The following C8orf74 variants were observed in gnomAD, a reference collection of about 807,000 sequenced individuals.
The protein encoded by C8orf74 is chromosome 8 open reading frame 74.
C8orf74 carries 29 observed loss-of-function variants against 22.2 expected under a neutral mutation model. The ratio of observed to expected loss-of-function variants is 1.31; its 90% confidence interval spans 0.97 to 1.78. The LOEUF (loss-of-function observed/expected upper bound fraction) is 1.78. Ranked by LOEUF, C8orf74 falls within the 40% of genes most tolerant of loss-of-function variation. The probability of loss-of-function intolerance (pLI) is 0.00; values close to 1 mark genes in which losing one functional copy is unlikely to be tolerated. For missense variants in C8orf74, 515 were observed against 369.9 expected (o/e 1.39, Z -3.22); for synonymous variants, 255 against 163.1 (o/e 1.56, Z -4.30).
At chr8:10,674,378 A>G (rs1184260860) in intron 1 of C8orf74, among the ~76,000 whole-genome samples, 1 of 61,704 alleles carries the variant, frequency 1.6e-5, no homozygotes, top group African/African-American at 5.9e-5. Flanking sequence ...TGCAACCCCC[A>G]TATCACACCC....
intron 2 of C8orf74, among the ~76,000 whole-genome samples, chr8:10,680,722 C>G (rs538686521): frequency 1.3e-5 from 2 of 152,364 alleles, no homozygotes; most frequent in East Asian, 3.9e-4. Context: ...GCCTTGCTGC[C>G]TACCAGACCG....
At chr8:10,691,664 C>T (rs1205109232) in intron 2 of C8orf74, 1 of 152,436 alleles carries the variant, frequency 6.6e-6, no homozygotes, top group African/African-American at 2.4e-5. Context: ...CTCTGCTGTC[C>T]TCCATGCGGC....
intron 2 of C8orf74, among the ~76,000 whole-genome samples, chr8:10,695,927 A>G (rs1586051933): frequency 6.6e-6 from 1 of 152,094 alleles, no homozygotes; most frequent in East Asian, 1.9e-4. Flanking sequence ...CGCCTGGCCC[A>G]AGCCCTCATT....
chr8:10,693,234 G>T (rs952161294), intron 2 of C8orf74, among the ~76,000 whole-genome samples: 2 of 152,194 alleles, frequency 1.3e-5, no homozygotes, highest in Non-Finnish European at 2.9e-5. Context: ...CTTTGCACAA[G>T]CTGCTCCCCC....
chr8:10,700,027 A>T (rs539263662), intron 3 of C8orf74, among the ~76,000 whole-genome samples: 186 of 152,224 alleles, frequency 1.2e-3, no homozygotes, highest in Non-Finnish European at 1.6e-3. Flanking sequence ...CAGTCAGGAG[A>T]AGATGAGGAC....
chr8:10,695,342 G>A (rs1206580986), intron 2 of C8orf74, among the ~76,000 whole-genome samples: 2 of 152,126 alleles, frequency 1.3e-5, no homozygotes, highest in Non-Finnish European at 2.9e-5. Flanking sequence ...CTCCCGAGAG[G>A]AGTGTAACCC....
chr8:10,676,009 G>C (rs775015483), intron 2 of C8orf74, among the ~76,000 whole-genome samples: 1 of 152,118 alleles, frequency 6.6e-6, no homozygotes, highest in Admixed American at 6.6e-5. Flanking sequence ...GGTCTGGATC[G>C]GATGGGTCGT....
chr8:10,698,536 C>A (rs76449827), intron 3 of C8orf74, among the ~76,000 whole-genome samples: 2 of 152,050 alleles, frequency 1.3e-5, no homozygotes, highest in African/African-American at 2.4e-5. Context: ...GGATCTCAGA[C>A]TTTGGGCTGC....
At chr8:10,686,281 A>G (rs2129057461) in intron 2 of C8orf74, among the ~76,000 whole-genome samples, 1 of 152,332 alleles carries the variant, frequency 6.6e-6, no homozygotes, top group South Asian at 2.1e-4. Flanking sequence ...GCTACTGAAT[A>G]GCAGTAGGCA....
intron 2 of C8orf74, among the ~76,000 whole-genome samples, chr8:10,684,165 G>A (rs530102465): frequency 4.1e-4 from 63 of 152,334 alleles, no homozygotes; most frequent in Middle Eastern, 6.8e-3. Flanking sequence ...TTGGGTGGAT[G>A]GGTACTGCTG....
intron 2 of C8orf74, chr8:10,688,710 G>C (rs191918457): frequency 6.6e-6 from 1 of 152,330 alleles, no homozygotes; most frequent in African/African-American, 2.4e-5. Context: ...TCCTGATGAG[G>C]TCAGGAGGGA....
chr8:10,686,227 G>T (rs930222631), intron 2 of C8orf74, among the ~76,000 whole-genome samples: 1 of 152,110 alleles, frequency 6.6e-6, no homozygotes, highest in African/African-American at 2.4e-5. Context: ...TGGCTGTGTT[G>T]TACTCTCCTT....
Position 10,700,543 on chromosome 8 carries a change from G to A in C8orf74, c.*72G>A, listed in dbSNP as rs998700137. 6 of 906,800 alleles carry A rather than the reference G, an allele frequency of 6.6e-6. No individual in the cohort carries two copies. The highest frequency in any genetic ancestry group is 2.9e-5 in the Admixed American group (1 of 34,288). 56.2% of individuals were successfully genotyped at this position (906,800 alleles called of 1,614,324 possible). On this transcript the variant is annotated 3_prime_UTR_variant, in exon 4 of 4. Transcript: ENST00000304519. Reference sequence around the variant, plus strand: ...AACCATGAGCCTTGCGGCACGGTGAGCTCAGCACCCACAGAGAGACTTCTT... The same window carrying A: ...AACCATGAGCCTTGCGGCACGGTGAACTCAGCACCCACAGAGAGACTTCTT...
intron 2 of C8orf74, among the ~76,000 whole-genome samples, chr8:10,696,179 G>A (rs143016782): frequency 0.018 from 2,684 of 152,054 alleles, 78 homozygotes; most frequent in African/African-American, 0.057. Context: ...TGATGGGAGA[G>A]CCCTGCCTCT....
intron 2 of C8orf74, among the ~76,000 whole-genome samples, chr8:10,681,875 C>T (rs1799158649): frequency 6.6e-6 from 1 of 152,114 alleles, no homozygotes; most frequent in Admixed American, 6.5e-5. Context: ...CTGGCATCTG[C>T]AGTTCCACCC....
intron 3 of C8orf74, among the ~76,000 whole-genome samples, chr8:10,699,425 A>G (rs942032624): frequency 4.6e-5 from 7 of 152,228 alleles, no homozygotes; most frequent in Non-Finnish European, 5.9e-5. Context: ...CAAATGCACA[A>G]TTTTGCATAT....
Position 10,697,619 on chromosome 8 carries a change from G to C in C8orf74, c.262G>C (p.Val88Leu), listed in dbSNP as rs760075519. The C allele has an allele frequency of 6.2e-7, 1 of 1,613,818 alleles. No homozygotes were observed. Among genetic ancestry groups the C allele is most frequent in the African/African-American group, 1.3e-5 (1 of 74,938 alleles). Residue 88 changes from valine to leucine, a missense_variant, in exon 3 of 4, where the codon GTG (valine) becomes CTG (leucine). By Grantham distance (32) the Val-to-Leu change is conservative. Coordinates refer to ENST00000304519, the MANE Select transcript of C8orf74 (RefSeq NM_001040032.2). ...TACAGGCTGCTCCATTACTGAGGCT[G>C]TGACGATCCTGGGGAACAAGCTTAG... ...ETKGCSITEA[V>L]TILGNKLRDY...
intron 3 of C8orf74, among the ~76,000 whole-genome samples, chr8:10,699,228 G>C (rs1441213171): frequency 1.3e-5 from 2 of 152,188 alleles, no homozygotes; most frequent in African/African-American, 2.4e-5. Context: ...CCAGCCTCCA[G>C]CATGGCACTG....
chr8:10,693,846 A>G (rs1220977997), intron 2 of C8orf74, among the ~76,000 whole-genome samples: 2 of 152,232 alleles, frequency 1.3e-5, no homozygotes, highest in Non-Finnish European at 2.9e-5. Flanking sequence ...CAGAAGACAG[A>G]GCCCTGGCTT....
Sources: gnomAD v4.1 joint callset for allele counts (sites outside exome capture counted in the v4.1 genomes callset) on GRCh38, gnomAD v4.1.1 for gene constraint, MANE v1.5 for transcripts, NCBI Gene and HGNC (gene_info 2026-07-23, HGNC 2026-07-21) for gene names.